The following MEP1A variants were observed in gnomAD, a reference collection of about 807,000 sequenced individuals.
The protein encoded by MEP1A is meprin A subunit alpha, also known as N-benzoyl-L-tyrosyl-P-amino-benzoic acid hydrolase subunit alpha.
In MEP1A, 68 loss-of-function variants were observed where a neutral mutation model predicts 84.5. The observed-to-expected ratio is 0.80, with a 90% confidence interval of 0.66 to 0.98. The LOEUF is 0.98. Ranked by LOEUF, MEP1A falls within the 50% of genes least tolerant of loss-of-function variation. MEP1A has a pLI of 0.00. For missense variants in MEP1A, 887 were observed against 919.9 expected (o/e 0.96, Z 0.46); for synonymous variants, 337 against 336.8 (o/e 1.00, Z -0.01).
At chr6:46,820,458 T>TGCAGTG (rs1767742912) in intron 7 of MEP1A, among the ~76,000 whole-genome samples, 1 of 152,210 alleles carries the variant, frequency 6.6e-6, no homozygotes, top group Non-Finnish European at 1.5e-5. Context: ...TGGTGCGATC[T>TGCAGTG]CAGCTCACTG....
At chr6:46,796,296 CA>C (rs1767050326) in intron 3 of MEP1A, among the ~76,000 whole-genome samples, 1 of 152,158 alleles carries the variant, frequency 6.6e-6, no homozygotes, top group Non-Finnish European at 1.5e-5. Flanking sequence ...TTTCCTGTCA[CA>C]GGACCTTTCT....
chr6:46,801,924 T>C lies in MEP1A; in HGVS notation c.262+2743T>C, dbSNP rs544014903. Among the ~76,000 whole-genome samples, 88 of 152,128 alleles carry C rather than the reference T, an allele frequency of 5.8e-4. 1 individual carries two copies. Among genetic ancestry groups the C allele is most frequent in the Non-Finnish European group, 8.8e-4 (60 of 67,884 alleles). ...AAGTTTGCCAAGACTCCTCATTTCT[T>C]GATCTGGTATCTCTGTTTTCCTATC... On this transcript the variant is annotated intron_variant, in intron 5 of 13. Transcript: ENST00000230588.
chr6:46,796,488 T>C (rs1336936410), intron 3 of MEP1A, among the ~76,000 whole-genome samples: 1 of 152,212 alleles, frequency 6.6e-6, no homozygotes, highest in Admixed American at 6.5e-5. Flanking sequence ...TTATTGTACT[T>C]TTCACCATTT....
At chr6:46,800,311 G>A (rs1468981038) in intron 5 of MEP1A, among the ~76,000 whole-genome samples, 1 of 152,114 alleles carries the variant, frequency 6.6e-6, no homozygotes, top group Non-Finnish European at 1.5e-5. Flanking sequence ...AAGGTGTAAG[G>A]TAGTGCTTCT....
downstream of MEP1A, among the ~76,000 whole-genome samples, chr6:46,842,415 G>A (rs560459060): frequency 6.6e-6 from 1 of 152,270 alleles, no homozygotes; most frequent in East Asian, 1.9e-4. Flanking sequence ...GGGAAGGAAT[G>A]CATTCCTGGG....
chr6:46,808,265 G>T (rs1767411063), intron 5 of MEP1A, among the ~76,000 whole-genome samples: 1 of 151,948 alleles, frequency 6.6e-6, no homozygotes, highest in Admixed American at 6.6e-5. Flanking sequence ...TGTAATGAAT[G>T]CTCTTGTTAT....
At position 46,799,088 on chromosome 6, in the gene MEP1A, T is replaced by G; in HGVS notation, c.187-18T>G. 1 of 1,589,778 alleles carries G rather than the reference T, an allele frequency of 6.3e-7. No homozygotes were observed. The highest frequency in any genetic ancestry group is 8.6e-7 in the Non-Finnish European group (1 of 1,157,816). On this transcript the variant is annotated intron_variant, in intron 4 of 13. Transcript: ENST00000230588. Reference sequence around the variant, plus strand: ...TGAGGACTAGGCTTCCCACTCACCTTTACCTTTGTTTTCACAGAAATCCAG... The same window carrying G: ...TGAGGACTAGGCTTCCCACTCACCTGTACCTTTGTTTTCACAGAAATCCAG...
At chr6:46,820,359 G>T (rs1767739154) in intron 7 of MEP1A, among the ~76,000 whole-genome samples, 1 of 152,022 alleles carries the variant, frequency 6.6e-6, no homozygotes, top group African/African-American at 2.4e-5. Context: ...TTATTCCGTT[G>T]TATTATTTTA....
chr6:46,798,670 TA>T, intron 4 of MEP1A, 24 bp downstream of exon 4: 2 of 1,610,458 alleles, frequency 1.2e-6, no homozygotes, highest in Non-Finnish European at 1.7e-6. Flanking sequence ...AATGATGCAA[TA>T]AGTTTCTCAG....
intron 7 of MEP1A, among the ~76,000 whole-genome samples, chr6:46,822,727 T>A (rs889923872): frequency 5.9e-5 from 9 of 152,092 alleles, no homozygotes; most frequent in African/African-American, 2.2e-4. Flanking sequence ...TATTTTTTAG[T>A]AGAGATGGGG....
intron 7 of MEP1A, among the ~76,000 whole-genome samples, chr6:46,824,115 T>C (rs1260882888): frequency 6.6e-6 from 1 of 152,102 alleles, no homozygotes; most frequent in Non-Finnish European, 1.5e-5. Context: ...ACTCAGTGTA[T>C]GAGGTACTTG....
intron 6 of MEP1A, among the ~76,000 whole-genome samples, chr6:46,816,218 G>A (rs186448823): frequency 5.3e-5 from 8 of 152,168 alleles, no homozygotes; most frequent in East Asian, 1.9e-4. Context: ...GATTACAGGC[G>A]TGAGCCACCA....
rs754853216 is a variant in MEP1A at position 46,833,118 on chromosome 6, G to A, written c.1189G>A (p.Glu397Lys). Residue 397 changes from glutamate (E) to lysine (K), a missense_variant, in exon 11 of 14, where the codon GAG (glutamate) becomes AAG (lysine). By Grantham distance (56) the Glu-to-Lys change is moderately conservative. Transcript: ENST00000230588. ...NWKIAHVVLK[E>K]EQKFRYLFQG... Reference sequence around the variant, plus strand: ...GAAAATTGCCCATGTGGTGCTCAAAGAGGAACAGAAGTTTCGCTACCTTTT... The same window carrying A: ...GAAAATTGCCCATGTGGTGCTCAAAAAGGAACAGAAGTTTCGCTACCTTTT... 1 of 1,543,116 alleles carries A rather than the reference G, an allele frequency of 6.5e-7. No individual in the cohort carries two copies. The highest frequency in any genetic ancestry group is 1.4e-5 in the African/African-American group (1 of 72,308).
chr6:46,809,812 G>GTATA lies in MEP1A; in HGVS notation c.380+287_380+290dup, dbSNP rs926379569. Among the ~76,000 whole-genome samples the GTATA allele has an allele frequency of 2.7e-5, 4 of 147,596 alleles. No individual in the cohort carries two copies. In the Admixed American group the frequency reaches 2.7e-4, roughly 10 times the overall value. On this transcript the variant is annotated intron_variant, in intron 6 of 13. Transcript: ENST00000230588. ...GTAGTAATACATGGTGTGTGTGTGT[G>GTATA]TATATATATATATATTTTACATATA...
At chr6:46,797,000 G>A (rs1767062330) in intron 3 of MEP1A, among the ~76,000 whole-genome samples, 1 of 152,218 alleles carries the variant, frequency 6.6e-6, no homozygotes, top group Admixed American at 6.5e-5. Flanking sequence ...ATAAGAATAG[G>A]TCAGGGTTAA....
intron 5 of MEP1A, among the ~76,000 whole-genome samples, chr6:46,807,476 C>T (rs895851724): frequency 1.3e-4 from 18 of 140,078 alleles, no homozygotes; most frequent in Non-Finnish European, 2.4e-4. Flanking sequence ...GAGTTCAAGT[C>T]GAGCCTGAGC....
chr6:46,819,622 G>A lies in MEP1A; in HGVS notation c.474G>A (p.Leu158=), dbSNP rs934444387. The A allele has an allele frequency of 2.5e-6, 4 of 1,613,982 alleles. No individual in the cohort carries two copies. Among genetic ancestry groups the A allele is most frequent in the Non-Finnish European group, 3.4e-6 (4 of 1,179,992 alleles). ...AYKAIIEHEI[L]HALGFYHEQS... is the part of the protein sequence containing the mutation. ...AGGCCATCATAGAACACGAGATCCT[G>A]CATGCTTTGGGATTTTACCACGAGC... Residue 158 remains leucine (L), a synonymous_variant, in exon 7 of 14, where the codon CTG becomes CTA. Coordinates refer to ENST00000230588, the MANE Select transcript of MEP1A (RefSeq NM_005588.3).
chr6:46,797,915 C>CTTCA (rs1767098686), intron 3 of MEP1A, among the ~76,000 whole-genome samples: 1 of 28,944 alleles, frequency 3.5e-5, no homozygotes, highest in African/African-American at 1.0e-4. Context: ...TCCTTCCTTC[C>CTTCA]TTCCTTCCTT....
chr6:46,827,074 C>A (rs138431384), intron 9 of MEP1A, among the ~76,000 whole-genome samples: 293 of 152,338 alleles, frequency 1.9e-3, no homozygotes, highest in African/African-American at 6.4e-3. Context: ...TCAGTTTGCA[C>A]TGGCCACAAT....
Sources: gnomAD v4.1 joint callset for allele counts (sites outside exome capture counted in the v4.1 genomes callset) on GRCh38, gnomAD v4.1.1 for gene constraint, MANE v1.5 for transcripts, NCBI Gene and HGNC (gene_info 2026-07-23, HGNC 2026-07-21) for gene names.